The following MYH14 variants were observed in gnomAD, a reference collection of about 807,000 sequenced individuals.
MYH14 encodes myosin-14.
MYH14 carries 123 observed loss-of-function variants against 255.5 expected under a neutral mutation model. The ratio of observed to expected loss-of-function variants is 0.48; its 90% confidence interval spans 0.42 to 0.56. MYH14 has a LOEUF of 0.56. Ranked by LOEUF, MYH14 falls within the 20% of genes least tolerant of loss-of-function variation. MYH14 has a pLI of 0.00. For missense variants in MYH14, 2,423 were observed against 2,802.3 expected, an observed-to-expected ratio of 0.86 and a Z score of 3.06; for synonymous variants, 1,095 against 1,161.2, an observed-to-expected ratio of 0.94 and a Z score of 1.16.
Position 50,268,361 on chromosome 19 carries a change from C to T in MYH14, c.3027C>T (p.His1009=). 1 of 1,567,958 alleles carries T rather than the reference C, an allele frequency of 6.4e-7. No homozygotes were observed. The highest frequency in any genetic ancestry group is 8.6e-7 in the Non-Finnish European group (1 of 1,157,810). The change falls in exon 24 of 43, where the codon CAC becomes CAT. Residue 1009 remains histidine, a synonymous_variant. Transcript: ENST00000642316. The part of the protein sequence containing the change: ...MQTEKKRLQQ[H]IQELEAHLEA... ...CCGAGAAGAAGAGGCTGCAGCAGCA[C>T]ATACAGGTCTGGCCCCTTGCATGCC...
At chr19:50,237,327 A>T (rs796788025) in intron 10 of MYH14, among the ~76,000 whole-genome samples, 65 of 142,478 alleles carry the variant, frequency 4.6e-4, no homozygotes, top group African/African-American at 1.5e-3. Context: ...AGGTGTGAAC[A>T]TTTTTTTTTT....
intron 34 of MYH14, among the ~76,000 whole-genome samples, chr19:50,286,944 C>A (rs2035911959): frequency 6.6e-6 from 1 of 152,062 alleles, no homozygotes; most frequent in African/African-American, 2.4e-5. Flanking sequence ...GTGGTGAAAC[C>A]CTGTCTCTAC....
intron 27 of MYH14, 55 bp downstream of exon 27, chr19:50,272,786 G>T: frequency 6.6e-7 from 1 of 1,521,816 alleles, no homozygotes; most frequent in Admixed American, 2.0e-5. Flanking sequence ...CGGCCAGCCA[G>T]CGTGGGGTGC....
rs759861246 is a variant in MYH14 at position 50,223,237 on chromosome 19, A to G, written c.591-10A>G. On this transcript the variant is annotated splice_polypyrimidine_tract_variant and intron_variant, in intron 4 of 42. Transcript: ENST00000642316. ...GCCAACCCCTTTGCTTCCCCTTGTCATCCCCACAGTGGAGAGTCTGGAGCT... is the reference window on the plus strand; with the variant it reads ...GCCAACCCCTTTGCTTCCCCTTGTCGTCCCCACAGTGGAGAGTCTGGAGCT... 2.5e-6 allele frequency: 4 copies of G among 1,613,388 alleles called. No homozygotes were observed. The Admixed American group carries it at 6.7e-5, about 27-fold the overall frequency.
Position 50,252,722 on chromosome 19 carries a change from A to G in MYH14, c.1914A>G (p.Thr638=), listed in dbSNP as rs1383423554. 9 of 1,597,874 alleles carry G rather than the reference A, an allele frequency of 5.6e-6. No individual in the cohort carries two copies. Among genetic ancestry groups the G allele is most frequent in the Non-Finnish European group, 7.7e-6 (9 of 1,172,688 alleles). ...TCGCAGCCTTGCTCCACCAGAGCACAGACCGGCTGACGGCAGAGATCTGGA... is the reference window on the plus strand; with the variant it reads ...TCGCAGCCTTGCTCCACCAGAGCACGGACCGGCTGACGGCAGAGATCTGGA... ...DNVAALLHQS[T]DRLTAEIWKD... The change falls in exon 16 of 43, where the codon ACA becomes ACG. Residue 638 remains threonine (T), a synonymous_variant. Transcript: ENST00000642316. The surrounding 1 kb of genome is among the most constrained non-coding windows in gnomAD (Gnocchi z 4.2).
At position 50,236,685 on chromosome 19, in the gene MYH14, G is replaced by A. The variant is rs368230070; in HGVS notation, c.1114+4615G>A. 4.9e-4 allele frequency among the ~76,000 whole-genome samples: 74 copies of A among 152,090 alleles called. 1 individual carries two copies. The South Asian group carries it at 0.014, about 29-fold the overall frequency. On this transcript the variant is annotated intron_variant, in intron 10 of 42. Transcript: ENST00000642316. ...ATTAAGCCACTGCACTCCAGCCTGG[G>A]TGTCAGAGCAAGACTCCATCTCAAA...
At chr19:50,261,957 C>T (rs1670723) in intron 21 of MYH14, among the ~76,000 whole-genome samples, 1 of 151,958 alleles carries the variant, frequency 6.6e-6, no homozygotes, top group Admixed American at 6.5e-5. Context: ...CGGGGCAACC[C>T]AGGTCAAGCT....
At chr19:50,259,376 G>A in intron 19 of MYH14, 111 bp downstream of exon 19, 4 of 1,375,342 alleles carry the variant, frequency 2.9e-6, no homozygotes, top group Non-Finnish European at 3.9e-6. Flanking sequence ...TTCTGCGCTG[G>A]GGAAGTTGAG....
rs762501628 is a variant in MYH14 at position 50,224,160 on chromosome 19, G to A, written c.700G>A (p.Val234Ile). 28 of 1,613,284 alleles carry A rather than the reference G, an allele frequency of 1.7e-5. No homozygotes were observed. Among genetic ancestry groups the A allele is most frequent in the East Asian group, 4.5e-5 (2 of 44,858 alleles). ...GRKEPGVPAS[V>I]STVSYGELER... Reference sequence around the variant, plus strand: ...TGTCCCGTGACTTCCTCAGGCCTCCGTCAGCACCGTGTCTTATGTGAGTAG... The same window carrying A: ...TGTCCCGTGACTTCCTCAGGCCTCCATCAGCACCGTGTCTTATGTGAGTAG... Residue 234 changes from valine to isoleucine, a missense_variant, in exon 6 of 43, where the codon GTC becomes ATC. This residue lies in a region of MYH14 where 672 missense variants were observed against 881.8 expected (regional missense o/e 0.76). Coordinates refer to ENST00000642316, the MANE Select transcript of MYH14 (RefSeq NM_001145809.2).
At chr19:50,257,239 C>T in intron 17 of MYH14, 60 bp from the exon 18 acceptor site, 1 of 1,432,408 alleles carries the variant, frequency 7.0e-7, no homozygotes, top group East Asian at 2.4e-5. Context: ...GACCTTTGGC[C>T]CAGGTCCCTA....
chr19:50,216,078 A>T (rs1415022204), intron 2 of MYH14, among the ~76,000 whole-genome samples: 1 of 152,234 alleles, frequency 6.6e-6, no homozygotes, highest in Non-Finnish European at 1.5e-5. Flanking sequence ...GGTTTAGCTA[A>T]GTGGCTAACT....
chr19:50,263,537 G>A lies in MYH14; in HGVS notation c.2694+117G>A, dbSNP rs1055225746. The stretch of plus-strand genomic sequence containing the variant: ...TCAGTTTTCTGCATCACTAAAATGG[G>A]GCCAGTCGGCCCAGGCTTTGCTAGC... On this transcript the variant is annotated intron_variant, in intron 22 of 42. Coordinates refer to ENST00000642316, the MANE Select transcript of MYH14 (RefSeq NM_001145809.2). The A allele has an allele frequency of 5.1e-6, 3 of 589,406 alleles. No homozygotes were observed. The East Asian group carries it at 9.6e-5, about 19-fold the overall frequency. 36.5% of individuals were successfully genotyped at this position (589,406 alleles called of 1,614,324 possible).
At chr19:50,259,039 G>T (rs1232847994) in intron 18 of MYH14, 105 bp from the exon 19 acceptor site, 1 of 1,429,948 alleles carries the variant, frequency 7.0e-7, no homozygotes, top group Non-Finnish European at 9.3e-7. Flanking sequence ...GCACCTAGTA[G>T]GTGCTCAGTA....
chr19:50,206,936 G>A (rs1028707770), intron 1 of MYH14, among the ~76,000 whole-genome samples: 4 of 151,510 alleles, frequency 2.6e-5, no homozygotes, highest in Non-Finnish European at 5.9e-5. Context: ...AGTAGGGGCC[G>A]GGCGTAGTGG....
At chr19:50,246,896 G>A (rs2034150594) in intron 11 of MYH14, 108 bp from the exon 12 acceptor site, 2 of 717,214 alleles carry the variant, frequency 2.8e-6, no homozygotes, top group Non-Finnish European at 4.7e-6. Flanking sequence ...GAAAGGCGGG[G>A]CCCGTCTTCT....
chr19:50,309,520 T>C (rs2036775137), intron 42 of MYH14, 120 bp from the exon 43 acceptor site: 1 of 697,824 alleles, frequency 1.4e-6, no homozygotes, highest in South Asian at 1.8e-5. Context: ...TTCCCCCTTA[T>C]TTTGTTCTCT....
chr19:50,230,894 C>A lies in MYH14; in HGVS notation c.973+271C>A. ...CCCCCGCCGCCTGGTGGCTCCTGCT[C>A]ACGCTCGCTTCCGAAGCTCCGTGGC... On this transcript the variant is annotated intron_variant, in intron 9 of 42. Coordinates refer to ENST00000642316, the MANE Select transcript of MYH14 (RefSeq NM_001145809.2). This position sits in a 1 kb window ranked among gnomAD's most constrained non-coding sequence, Gnocchi z 4.7. 1 of 466,888 alleles carries A rather than the reference C, an allele frequency of 2.1e-6. No individual in the cohort carries two copies. The highest frequency in any genetic ancestry group is 3.9e-6 in the Non-Finnish European group (1 of 257,100). 28.9% of individuals were successfully genotyped at this position (466,888 alleles called of 1,614,324 possible). A position where few individuals can be genotyped will look rare whatever the true frequency, so the allele number is the denominator to read the frequency against.
Position 50,268,261 on chromosome 19 carries a change from A to G in MYH14, c.2927A>G (p.Gln976Arg). ...CGGGGGAGGCTGGCAGCCCGCAAGC[A>G]GGAGCTGGAGCTGGTGGTGTCAGAG... Reference protein sequence around the residue: ...ETRGRLAARKQELELVVSELE... With the variant: ...ETRGRLAARKRELELVVSELE... Residue 976 changes from glutamine to arginine, a missense_variant, in exon 24 of 43, where the codon CAG becomes CGG. Transcript: ENST00000642316. The G allele has an allele frequency of 6.3e-7, 1 of 1,575,772 alleles. No individual in the cohort carries two copies. The highest frequency in any genetic ancestry group is 8.6e-7 in the Non-Finnish European group (1 of 1,161,336).
intron 39 of MYH14, among the ~76,000 whole-genome samples, chr19:50,297,957 A>G (rs192505115): frequency 2.8e-4 from 43 of 152,078 alleles, no homozygotes; most frequent in African/African-American, 1.0e-3. Flanking sequence ...GTGGGAGTCT[A>G]TTCACCCCAT....
Sources: gnomAD v4.1 joint callset for allele counts (sites outside exome capture counted in the v4.1 genomes callset) on GRCh38, gnomAD v4.1.1 for gene constraint, gnomAD v4.1.1 regional missense constraint, Gnocchi (gnomAD v3.1) non-coding constraint, MANE v1.5 for transcripts, NCBI Gene and HGNC (gene_info 2026-07-23, HGNC 2026-07-21) for gene names.